ADGRE2: variants seen among roughly 807,000 people sequenced by gnomAD.
The protein encoded by ADGRE2 is CD97 antigen.
In ADGRE2, 83 loss-of-function variants were observed where a neutral mutation model predicts 100.8. The ratio of observed to expected loss-of-function variants is 0.82; its 90% CI spans 0.69 to 0.99. The LOEUF is 0.99. ADGRE2 is among the 50% of genes least tolerant of loss of function. The probability of loss-of-function intolerance (pLI) is 0.00; values close to 1 mark genes in which losing one functional copy is unlikely to be tolerated. For missense variants in ADGRE2, 814 were observed against 1,035.7 expected (o/e 0.79, Z 2.94); for synonymous variants, 355 against 413.0 (o/e 0.86, Z 1.70).
chr19:14,773,662 C>T (rs1485478714), intron 4 of ADGRE2, among the ~76,000 whole-genome samples: 1 of 151,984 alleles, frequency 6.6e-6, no homozygotes, highest in East Asian at 1.9e-4. Context: ...CAGATGTGTG[C>T]CACCATGCGC....
At chr19:14,760,107 C>T (rs574222276) in intron 11 of ADGRE2, among the ~76,000 whole-genome samples, 1 of 152,102 alleles carries the variant, frequency 6.6e-6, no homozygotes, top group Admixed American at 6.6e-5. Context: ...CGTGAGCCAC[C>T]GTGCCCGGCC....
At chr19:14,776,685 C>T in intron 2 of ADGRE2, 41 bp downstream of exon 2, 1 of 1,596,480 alleles carries the variant, frequency 6.3e-7, no homozygotes, top group South Asian at 1.1e-5. Context: ...CCCGCTGGAG[C>T]TTCCTCGCTA....
At chr19:14,777,300 C>G (rs1372144535) in intron 1 of ADGRE2, among the ~76,000 whole-genome samples, 1 of 152,184 alleles carries the variant, frequency 6.6e-6, no homozygotes, top group East Asian at 1.9e-4. Context: ...GAGCCTGCGT[C>G]CCAGCTGGCA....
intron 11 of ADGRE2, among the ~76,000 whole-genome samples, chr19:14,759,255 C>T (rs1161171166): frequency 3.3e-5 from 5 of 152,076 alleles, no homozygotes; most frequent in African/African-American, 4.8e-5. Context: ...GGCATTCACC[C>T]GTGCAAGCTT....
rs540101511 is a variant in ADGRE2 at position 14,761,673 on chromosome 19, G to A, written c.1084+2760C>T. On this transcript the variant is annotated intron_variant, in intron 11 of 20. Coordinates refer to ENST00000315576, the MANE Select transcript of ADGRE2 (RefSeq NM_013447.4). ...CTGTGCCAATAGGAAAAGGCCACCT[G>A]GGACTAGGCATGTTGAAAATGGCGG... 2.6e-5 allele frequency among the ~76,000 whole-genome samples: 4 copies of A among 152,196 alleles called. No homozygotes were observed. The South Asian group carries it at 8.3e-4, about 32-fold the overall frequency.
At chr19:14,757,272 T>A (rs118159328) in intron 11 of ADGRE2, among the ~76,000 whole-genome samples, 2,605 of 152,306 alleles carry the variant, frequency 0.017, 36 homozygotes, top group Non-Finnish European at 0.029. Flanking sequence ...TTGGAAGACT[T>A]TCTATTGTTA....
At chr19:14,730,436 CTTCT>C (rs1359516837), downstream of ADGRE2, among the ~76,000 whole-genome samples, 4 of 91,698 alleles carry the variant, frequency 4.4e-5, no homozygotes, top group Non-Finnish European at 1.0e-4. Context: ...TCCTTCCTTC[CTTCT>C]TTCCTTCCTC....
At position 14,767,045 on chromosome 19, in the gene ADGRE2, G is replaced by A. The variant is rs10418770; in HGVS notation, c.420C>T (p.Leu140=). Residue 140 remains leucine (L), a synonymous_variant, in exon 6 of 21, where the codon CTC becomes CTT. Coordinates refer to ENST00000315576, the MANE Select transcript of ADGRE2 (RefSeq NM_013447.4). ...GCAGGCACTGGCACGTGTAGCTGCC[G>A]AGGGTGTTGACGCAGGTGCCGTAGC... is the stretch of plus-strand genomic sequence containing the variant. ...CKSYGTCVNT[L]GSYTCQCLPG... The A allele has an allele frequency of 0.089, 79,451 of 897,522 alleles. 30,188 individuals carry two copies. The highest frequency in any genetic ancestry group is 0.25 in the African/African-American group (6,975 of 27,506). 55.6% of individuals were successfully genotyped at this position (897,522 alleles called of 1,614,324 possible). A position where few individuals can be genotyped will look rare whatever the true frequency, so the allele number is the denominator to read the frequency against.
chr19:14,751,519 C>T lies in ADGRE2; in HGVS notation c.1941G>A (p.Met647Ile). ...SSINRFMKKL[M>I]FPVGYGVPAV... is the part of the protein sequence containing the mutation. ...CTGGGACTCCGTAGCCCACAGGGAA[C>T]ATGAGCTTCTTCATGAATCTGTTGA... Residue 647 changes from methionine to isoleucine, a missense_variant, in exon 16 of 21, where the codon ATG becomes ATA. Physicochemically the swap from Met to Ile is conservative, Grantham distance 10 (BLOSUM62 1). Coordinates refer to ENST00000315576, the MANE Select transcript of ADGRE2 (RefSeq NM_013447.4). 6.2e-7 allele frequency: 1 copy of T among 1,614,090 alleles called. No individual in the cohort carries two copies. The highest frequency in any genetic ancestry group is 2.2e-5 in the East Asian group (1 of 44,884).
chr19:14,730,861 C>T (rs987563011), downstream of ADGRE2, among the ~76,000 whole-genome samples: 1 of 151,742 alleles, frequency 6.6e-6, no homozygotes, highest in Non-Finnish European at 1.5e-5. Flanking sequence ...TCTTTATGTT[C>T]ACGTGTACCC....
At chr19:14,765,905 C>A in intron 7 of ADGRE2, 101 bp from the exon 8 acceptor site, 2 of 1,603,184 alleles carry the variant, frequency 1.2e-6, no homozygotes, top group Non-Finnish European at 1.7e-6. Flanking sequence ...TAGTGCCCCC[C>A]TTGGAGAGGT....
chr19:14,747,706 G>T (rs537429233), intron 16 of ADGRE2, among the ~76,000 whole-genome samples: 1 of 151,758 alleles, frequency 6.6e-6, no homozygotes, highest in East Asian at 1.9e-4. Flanking sequence ...TACTCGGGAG[G>T]CTGAGGCATG....
intron 16 of ADGRE2, among the ~76,000 whole-genome samples, chr19:14,748,465 C>T (rs559981515): frequency 6.6e-6 from 1 of 152,248 alleles, no homozygotes; most frequent in South Asian, 2.1e-4. Context: ...CCCACGACCA[C>T]GCCCAGCTAA....
Position 14,776,881 on chromosome 19 carries a change from G to C in ADGRE2, c.-125C>G, listed in dbSNP as rs546164837. ...GGCCAGGACTTTATAAAGGAGGGGGGGCGGACAGCCGCTGGCCCAGGGCCC... is the reference window on the plus strand; with the variant it reads ...GGCCAGGACTTTATAAAGGAGGGGGCGCGGACAGCCGCTGGCCCAGGGCCC... On this transcript the variant is annotated 5_prime_UTR_variant, in exon 2 of 21. Coordinates refer to ENST00000315576, the MANE Select transcript of ADGRE2 (RefSeq NM_013447.4). The C allele has an allele frequency of 1.6e-5, 24 of 1,531,430 alleles. No homozygotes were observed. Among genetic ancestry groups the C allele is most frequent in the East Asian group, 7.4e-5 (3 of 40,474 alleles). 94.9% of individuals were successfully genotyped at this position (1,531,430 alleles called of 1,614,324 possible).
Position 14,752,317 on chromosome 19 carries a change from C to T in ADGRE2, c.1788+12G>A, listed in dbSNP as rs200405970. ...CAAGGAAGGGAGCCCTCTGGAACAC[C>T]GCTGTCAATACCTTGTGTCCGGTTT... On this transcript the variant is annotated intron_variant, in intron 15 of 20. Coordinates refer to ENST00000315576, the MANE Select transcript of ADGRE2 (RefSeq NM_013447.4). 1.8e-4 allele frequency: 293 copies of T among 1,613,892 alleles called. 2 individuals carry two copies. The Admixed American group carries it at 3.6e-3, about 20-fold the overall frequency.
chr19:14,774,426 G>C (rs116687791), intron 2 of ADGRE2, 120 bp from the exon 3 acceptor site: 1 of 1,523,034 alleles, frequency 6.6e-7, no homozygotes, highest in Non-Finnish European at 8.9e-7. Context: ...CCTGCCCATC[G>C]TTCAAACAGA....
chr19:14,741,023 G>A lies in ADGRE2; in HGVS notation c.2463+2397C>T, dbSNP rs577205675. Among the ~76,000 whole-genome samples the A allele has an allele frequency of 2.7e-4, 41 of 151,186 alleles. No individual in the cohort carries two copies. The South Asian group carries it at 7.8e-3, about 29-fold the overall frequency. On this transcript the variant is annotated intron_variant, in intron 20 of 20. Coordinates refer to ENST00000315576, the MANE Select transcript of ADGRE2 (RefSeq NM_013447.4). Reference sequence around the variant, plus strand: ...TGGGACTACAGGCATGTGCCACCACGCCCAGCGAATTTTTAAAACTTTTTT... The same window carrying A: ...TGGGACTACAGGCATGTGCCACCACACCCAGCGAATTTTTAAAACTTTTTT...
At chr19:14,751,994 T>C (rs8110125) in intron 15 of ADGRE2, among the ~76,000 whole-genome samples, 57,693 of 149,572 alleles carry the variant, frequency 0.39, 12,703 homozygotes, top group African/African-American at 0.59. Context: ...CATGCAATGG[T>C]GCGATCTCGG....
intron 14 of ADGRE2, among the ~76,000 whole-genome samples, chr19:14,752,964 G>A (rs1194623429): frequency 6.6e-6 from 1 of 152,006 alleles, no homozygotes; most frequent in Non-Finnish European, 1.5e-5. Flanking sequence ...TAGAGACAGG[G>A]TCACACCATG....
Sources: gnomAD v4.1 joint callset for allele counts (sites outside exome capture counted in the v4.1 genomes callset) on GRCh38, gnomAD v4.1.1 for gene constraint, MANE v1.5 for transcripts, NCBI Gene and HGNC (gene_info 2026-07-23, HGNC 2026-07-21) for gene names.